The following MTREX variants were observed in gnomAD, a reference collection of about 807,000 sequenced individuals.
MTREX encodes the protein Mtr4 exosome RNA helicase, also known as exosome RNA helicase MTR4.
In MTREX, 76 loss-of-function variants were observed where a neutral mutation model predicts 135.4. The observed-to-expected ratio is 0.56, with a 90% CI of 0.47 to 0.68. The LOEUF (loss-of-function observed/expected upper bound fraction) is 0.68. Among genes scored for constraint, MTREX ranks in the 30% least tolerant of loss-of-function variants. The pLI, the probability that MTREX is intolerant of heterozygous loss-of-function variation, is 0.00. For synonymous variants in MTREX, 404 were observed against 401.6 expected, an observed-to-expected ratio of 1.01 and a Z score of -0.07; for missense variants, 920 against 1,262.1, an observed-to-expected ratio of 0.73 and a Z score of 4.11.
At chr5:55,367,432 G>GC (rs1750122968) in intron 16 of MTREX, among the ~76,000 whole-genome samples, 1 of 150,428 alleles carries the variant, frequency 6.6e-6, no homozygotes, top group Non-Finnish European at 1.5e-5. Flanking sequence ...GTTGCAGTGA[G>GC]CCAAGATTGC....
chr5:55,425,248 T>G lies in MTREX; in HGVS notation c.*476T>G. On this transcript the variant is annotated 3_prime_UTR_variant, in exon 27 of 27. Transcript: ENST00000230640. ...TCGGATAGTGATTCCCAGTTGTTGGTGTTTCATGCAGAGTTGTATGAGAGT... is the reference window on the plus strand; with the variant it reads ...TCGGATAGTGATTCCCAGTTGTTGGGGTTTCATGCAGAGTTGTATGAGAGT... The G allele has an allele frequency of 6.2e-7, 1 of 1,613,940 alleles. No homozygotes were observed.
intron 16 of MTREX, among the ~76,000 whole-genome samples, chr5:55,376,402 G>A (rs544484462): frequency 3.9e-5 from 6 of 152,248 alleles, no homozygotes; most frequent in African/African-American, 1.2e-4. Flanking sequence ...ATTTTTGATC[G>A]ATGCCTTGTT....
chr5:55,358,265 A>C lies in MTREX; in HGVS notation c.1534-308A>C, dbSNP rs1426388219. 4.6e-5 allele frequency among the ~76,000 whole-genome samples: 7 copies of C among 152,346 alleles called. No homozygotes were observed. In the East Asian group the frequency reaches 1.2e-3, roughly 25 times the overall value. On this transcript the variant is annotated intron_variant, in intron 14 of 26. Coordinates refer to ENST00000230640, the MANE Select transcript of MTREX (RefSeq NM_015360.5). ...GTAATTGGCTTATGTGGAAAGCCAA[A>C]ATTTTTAAAAGCCTAAATTTTAGGC...
At chr5:55,415,831 T>TTGCAGACATAATACC in intron 24 of MTREX, 139 bp from the exon 25 acceptor site, 1 of 552,092 alleles carries the variant, frequency 1.8e-6, no homozygotes, top group Non-Finnish European at 3.1e-6. Context: ...CTGTGCCTAC[T>TTGCAGACATAATACC]TAGGAGCAGA....
rs1419477439 is a variant in MTREX, at chr5:55,368,819, A to G, written c.1810+1944A>G. Among the ~76,000 whole-genome samples the G allele has an allele frequency of 7.2e-5, 11 of 152,236 alleles. No individual in the cohort carries two copies. The East Asian group carries it at 9.6e-4, about 13-fold the overall frequency. On this transcript the variant is annotated intron_variant, in intron 16 of 26. Coordinates refer to ENST00000230640, the MANE Select transcript of MTREX (RefSeq NM_015360.5). ...CTCTCTAATTGAAAAAAAAAATCGA[A>G]GATGACTGACAGTTTCTTAAAATGT...
At chr5:55,328,146 C>G (rs995321170) in intron 4 of MTREX, among the ~76,000 whole-genome samples, 3 of 151,958 alleles carry the variant, frequency 2.0e-5, no homozygotes, top group Admixed American at 1.3e-4. Flanking sequence ...ATTTGGAAGG[C>G]CTGATAGACC....
rs776968284 is a variant in MTREX, at chr5:55,347,161, G to A, written c.1240+17G>A. On this transcript the variant is annotated intron_variant, in intron 11 of 26. Transcript: ENST00000230640. Reference sequence around the variant, plus strand: ...TCAACACAGGTACTACATCATTTCAGTATCATTTTAATGTTATGTGAAAAT... The same window carrying A: ...TCAACACAGGTACTACATCATTTCAATATCATTTTAATGTTATGTGAAAAT... 28 of 1,580,216 alleles carry A rather than the reference G, an allele frequency of 1.8e-5. No individual in the cohort carries two copies. The East Asian group carries it at 3.0e-4, about 17-fold the overall frequency.
chr5:55,338,818 T>C (rs1460796288), intron 5 of MTREX, among the ~76,000 whole-genome samples: 1 of 132,592 alleles, frequency 7.5e-6, no homozygotes, highest in Admixed American at 8.4e-5. Flanking sequence ...TGAGACACAG[T>C]CTCACTCTGT....
chr5:55,334,675 C>G (rs2112047705), intron 5 of MTREX, among the ~76,000 whole-genome samples: 1 of 151,914 alleles, frequency 6.6e-6, no homozygotes, highest in South Asian at 2.1e-4. Flanking sequence ...ATTGTGCAAC[C>G]CTTACCAGTT....
At chr5:55,351,801 A>G (rs547032483) in intron 13 of MTREX, among the ~76,000 whole-genome samples, 1 of 152,112 alleles carries the variant, frequency 6.6e-6, no homozygotes, top group African/African-American at 2.4e-5. Flanking sequence ...AAAATGGGAA[A>G]CAACATCAAA....
chr5:55,362,023 C>G (rs1421262261), intron 15 of MTREX, among the ~76,000 whole-genome samples: 1 of 150,888 alleles, frequency 6.6e-6, no homozygotes, highest in East Asian at 2.0e-4. Context: ...CTCAAGCGAC[C>G]CTCCCACCTT....
intron 16 of MTREX, among the ~76,000 whole-genome samples, chr5:55,374,252 C>G (rs1329757416): frequency 7.0e-6 from 1 of 142,340 alleles, no homozygotes; most frequent in Non-Finnish European, 1.5e-5. Flanking sequence ...GCAAGACTGT[C>G]TCAAAAAACA....
intron 16 of MTREX, among the ~76,000 whole-genome samples, chr5:55,377,122 G>A (rs982391584): frequency 2.0e-5 from 3 of 152,056 alleles, no homozygotes; most frequent in African/African-American, 4.8e-5. Flanking sequence ...GAGGTCAGGA[G>A]ATCGAGACCA....
At chr5:55,367,408 C>T (rs1412865645) in intron 16 of MTREX, among the ~76,000 whole-genome samples, 1 of 151,254 alleles carries the variant, frequency 6.6e-6, no homozygotes, top group Non-Finnish European at 1.5e-5. Context: ...ATCACTTGAA[C>T]ACGGGAGGTG....
At chr5:55,390,344 G>T (rs1004047184) in intron 19 of MTREX, among the ~76,000 whole-genome samples, 1 of 152,130 alleles carries the variant, frequency 6.6e-6, no homozygotes, top group Non-Finnish European at 1.5e-5. Flanking sequence ...CTCATGATAT[G>T]CCTGTCTCAG....
chr5:55,368,246 C>G lies in MTREX; in HGVS notation c.1810+1371C>G, dbSNP rs535316320. On this transcript the variant is annotated intron_variant, in intron 16 of 26. Transcript: ENST00000230640. ...GGGCAGATACTTGAGGTCAGGAGTT[C>G]GAGGCCAGCCTGGCCAGCATGATGA... Among the ~76,000 whole-genome samples, 6 of 152,126 alleles carry G rather than the reference C, an allele frequency of 3.9e-5. No individual in the cohort carries two copies. The South Asian group carries it at 1.2e-3, about 32-fold the overall frequency.
chr5:55,363,207 C>T, intron 15 of MTREX, among the ~76,000 whole-genome samples: 1 of 152,150 alleles, frequency 6.6e-6, no homozygotes, highest in Non-Finnish European at 1.5e-5. Context: ...AATGTACAGG[C>T]CTTTTTTGAA....
At chr5:55,414,935 C>G (rs1276938046) in intron 24 of MTREX, among the ~76,000 whole-genome samples, 4 of 152,122 alleles carry the variant, frequency 2.6e-5, no homozygotes, top group African/African-American at 9.7e-5. Context: ...CAGATGTGAG[C>G]CACTGTGCCC....
chr5:55,388,585 A>G (rs1015095113), intron 19 of MTREX, among the ~76,000 whole-genome samples: 2 of 152,164 alleles, frequency 1.3e-5, no homozygotes, highest in Non-Finnish European at 2.9e-5. Context: ...GTGTTAGATG[A>G]TTTTGCCCAA....
Sources: allele counts gnomAD v4.1 joint callset (sites outside exome capture counted in the v4.1 genomes callset), GRCh38; gene constraint gnomAD v4.1.1; transcripts MANE v1.5; gene names NCBI Gene and HGNC (gene_info 2026-07-23, HGNC 2026-07-21).